Variants in SPAG16 observed in about 807,000 individuals in gnomAD.
The protein encoded by SPAG16 is sperm associated antigen 16, also known as sperm-associated antigen 16 protein.
SPAG16 carries 86 observed loss-of-function variants against 80.4 expected under a neutral mutation model. The ratio of observed to expected loss-of-function variants is 1.07; its 90% confidence interval spans 0.90 to 1.28. The LOEUF (loss-of-function observed/expected upper bound fraction) is 1.28, where lower values mean the gene tolerates loss of function less well. Among genes scored for constraint, SPAG16 ranks in the 50% most tolerant of loss-of-function variants. The pLI, the probability that SPAG16 is intolerant of heterozygous loss-of-function variation, is 0.00. For synonymous variants in SPAG16, 294 were observed against 265.9 expected (o/e 1.11, Z -1.03); for missense variants, 870 against 765.3 (o/e 1.14, Z -1.61).
chr2:213,567,231 GTT>G (rs369737697), intron 10 of SPAG16, among the ~76,000 whole-genome samples: 1 of 104,708 alleles, frequency 9.6e-6, no homozygotes, highest in Non-Finnish European at 2.1e-5. Context: ...GTTTGACATT[GTT>G]TTTTTTTTTT....
In SPAG16 at chr2:214,163,203, C is replaced by T. The variant is rs60944676; in HGVS notation, c.1720+13937C>T. On this transcript the variant is annotated intron_variant, in intron 15 of 15. Transcript: ENST00000331683. ...ATTATACATTCTTGATCTTTTTTCC[C>T]TTTGTCAAATATAACATCTCTTTCA... Among the ~76,000 whole-genome samples the T allele has an allele frequency of 9.0e-3, 1,370 of 151,954 alleles. 19 individuals carry two copies. The highest frequency in any genetic ancestry group is 0.031 in the African/African-American group (1,276 of 41,508).
At chr2:214,332,327 G>C (rs1278690550) in intron 15 of SPAG16, among the ~76,000 whole-genome samples, 2 of 152,190 alleles carry the variant, frequency 1.3e-5, no homozygotes, top group Non-Finnish European at 2.9e-5. Context: ...TTCTGTATCA[G>C]TGACCCAACG....
intron 13 of SPAG16, among the ~76,000 whole-genome samples, chr2:214,050,594 A>G (rs535897279): frequency 1.3e-5 from 2 of 152,328 alleles, no homozygotes; most frequent in East Asian, 3.9e-4. Flanking sequence ...ATAGAAAATT[A>G]GAAAGCAATG....
rs1050589455 is a variant in SPAG16 at position 213,337,131 on chromosome 2, G to A, written c.537-3032G>A. Reference sequence around the variant, plus strand: ...ACCTCCAGCAAACTGCAACATCCCTGTAGAAGAGGGGGCCTGACTGCTAAA... The same window carrying A: ...ACCTCCAGCAAACTGCAACATCCCTATAGAAGAGGGGGCCTGACTGCTAAA... On this transcript the variant is annotated intron_variant, in intron 5 of 15. Coordinates refer to ENST00000331683, the MANE Select transcript of SPAG16 (RefSeq NM_024532.5). Among the ~76,000 whole-genome samples, 8 of 152,144 alleles carry A rather than the reference G, an allele frequency of 5.3e-5. No individual in the cohort carries two copies. The South Asian group carries it at 6.2e-4, about 12-fold the overall frequency.
chr2:213,689,523 T>TG, intron 10 of SPAG16, among the ~76,000 whole-genome samples: 1 of 140,162 alleles, frequency 7.1e-6, no homozygotes, highest in South Asian at 2.5e-4. Flanking sequence ...AATTTAGTGC[T>TG]GGGGCTTTTT....
At chr2:214,239,165 A>G (rs1689290508) in intron 15 of SPAG16, 1 of 152,114 alleles carries the variant, frequency 6.6e-6, no homozygotes, top group African/African-American at 2.4e-5. Context: ...AGAATAGCTA[A>G]GACTACAGGC....
In SPAG16 at chr2:214,289,279, C is replaced by T. The variant is rs145433250; in HGVS notation, c.1721-120861C>T. Among the ~76,000 whole-genome samples, 315 of 152,148 alleles carry T rather than the reference C, an allele frequency of 2.1e-3. 1 individual carries two copies. Among genetic ancestry groups the T allele is most frequent in the African/African-American group, 7.1e-3 (294 of 41,508 alleles). On this transcript the variant is annotated intron_variant, in intron 15 of 15. Transcript: ENST00000331683. ...TGTCTATTTTTGTTATAGTTCTCTG[C>T]GCTTTTGGGGTCTTAGCCATGAAAT...
In SPAG16 at chr2:213,490,010, T is replaced by A; in HGVS notation, c.990T>A (p.Val330=). The A allele has an allele frequency of 6.2e-7, 1 of 1,610,502 alleles. No individual in the cohort carries two copies. The highest frequency in any genetic ancestry group is 8.5e-7 in the Non-Finnish European group (1 of 1,178,472). ...TGCAACCAAATCCAAACCTGAATGT[T>A]TCTAAAGAAAGTCTTTCTCCAGCAA... is the stretch of plus-strand genomic sequence containing the variant. ...IDMQPNPNLN[V]SKESLSPAKF... The change falls in exon 10 of 16, where the codon GTT becomes GTA. Residue 330 remains valine (V), a synonymous_variant. Coordinates refer to ENST00000331683, the MANE Select transcript of SPAG16 (RefSeq NM_024532.5).
intron 10 of SPAG16, among the ~76,000 whole-genome samples, chr2:213,827,971 T>C (rs747996141): frequency 3.9e-5 from 6 of 152,132 alleles, no homozygotes; most frequent in Non-Finnish European, 8.8e-5. Context: ...AGTTTGACTA[T>C]TAAATGCACT....
At chr2:213,982,271 A>G (rs934371514) in intron 12 of SPAG16, among the ~76,000 whole-genome samples, 2 of 152,086 alleles carry the variant, frequency 1.3e-5, no homozygotes, top group African/African-American at 4.8e-5. Context: ...TTTGTCTGAA[A>G]TCATTTTAAT....
At chr2:214,170,582 T>G (rs570374701) in intron 15 of SPAG16, among the ~76,000 whole-genome samples, 1 of 152,162 alleles carries the variant, frequency 6.6e-6, no homozygotes, top group East Asian at 1.9e-4. Context: ...TAATAAAACC[T>G]TGTGATTTAG....
At chr2:213,730,999 AT>A (rs1443671895) in intron 10 of SPAG16, among the ~76,000 whole-genome samples, 2 of 151,326 alleles carry the variant, frequency 1.3e-5, no homozygotes, top group Non-Finnish European at 2.9e-5. Flanking sequence ...ACATTTTTTT[AT>A]TTTTTTATGG....
intron 11 of SPAG16, among the ~76,000 whole-genome samples, chr2:213,876,586 A>T (rs1246201219): frequency 6.6e-6 from 1 of 152,200 alleles, no homozygotes; most frequent in Non-Finnish European, 1.5e-5. Flanking sequence ...TGTCAAAAGC[A>T]TTATAAGTAT....
At chr2:214,035,940 T>C (rs1179188802) in intron 13 of SPAG16, among the ~76,000 whole-genome samples, 1 of 152,224 alleles carries the variant, frequency 6.6e-6, no homozygotes, top group Non-Finnish European at 1.5e-5. Flanking sequence ...GCAGCCGGTG[T>C]CATGCAGTGG....
chr2:214,077,160 A>C (rs1327297948), intron 13 of SPAG16, among the ~76,000 whole-genome samples: 1 of 152,150 alleles, frequency 6.6e-6, no homozygotes, highest in African/African-American at 2.4e-5. Context: ...AGTAGAGAAA[A>C]AATATTTATT....
At chr2:213,319,255 A>G (rs547604893) in intron 5 of SPAG16, among the ~76,000 whole-genome samples, 239 of 152,032 alleles carry the variant, frequency 1.6e-3, no homozygotes, top group African/African-American at 5.6e-3. Flanking sequence ...TATTGTTAAG[A>G]TTTTTGATAA....
intron 10 of SPAG16, among the ~76,000 whole-genome samples, chr2:213,746,114 G>C (rs2067809769): frequency 6.6e-6 from 1 of 152,176 alleles, no homozygotes; most frequent in Non-Finnish European, 1.5e-5. Flanking sequence ...CTGAAATTCT[G>C]ACCCCTGGCA....
intron 14 of SPAG16, among the ~76,000 whole-genome samples, chr2:214,122,093 T>A (rs1283975093): frequency 6.6e-6 from 1 of 151,704 alleles, no homozygotes; most frequent in Non-Finnish European, 1.5e-5. Context: ...TAATATAAAT[T>A]CCTTATAGTC....
At chr2:213,422,800 G>A (rs1286702430) in intron 9 of SPAG16, among the ~76,000 whole-genome samples, 1 of 152,216 alleles carries the variant, frequency 6.6e-6, no homozygotes, top group Non-Finnish European at 1.5e-5. Flanking sequence ...TAGCCCTGTT[G>A]CTACCATTTT....
Sources: gnomAD v4.1 joint callset for allele counts (sites outside exome capture counted in the v4.1 genomes callset) on GRCh38, gnomAD v4.1.1 for gene constraint, MANE v1.5 for transcripts, NCBI Gene and HGNC (gene_info 2026-07-23, HGNC 2026-07-21) for gene names.